The following EXT2 variants were observed in gnomAD, a reference collection of about 807,000 sequenced individuals.
The protein encoded by EXT2 is exostosin-2.
EXT2 carries 53 observed loss-of-function variants against 81.6 expected under a neutral mutation model. That is an observed-to-expected ratio of 0.65 (90% CI 0.52 to 0.82). The LOEUF (loss-of-function observed/expected upper bound fraction) is 0.82. EXT2 is among the 40% of genes least tolerant of loss of function. EXT2 has a pLI of 0.00. For missense variants in EXT2, 774 were observed against 910.2 expected, an observed-to-expected ratio of 0.85 and a Z score of 1.93; for synonymous variants, 320 against 340.0, an observed-to-expected ratio of 0.94 and a Z score of 0.65.
At chr11:44,111,261 A>G (rs1190618854) in intron 3 of EXT2, among the ~76,000 whole-genome samples, 2 of 152,216 alleles carry the variant, frequency 1.3e-5, no homozygotes, top group African/African-American at 2.4e-5. Context: ...TTAAAAAAAA[A>G]TCCATACACA....
chr11:44,218,793 C>CTTTTTTTTTTT (rs11368525), intron 10 of EXT2, among the ~76,000 whole-genome samples: 2 of 92,300 alleles, frequency 2.2e-5, no homozygotes, highest in Non-Finnish European at 3.8e-5. Context: ...ATCTGCAATT[C>CTTTTTTTTTTT]TTTTTTTTTT....
intron 9 of EXT2, among the ~76,000 whole-genome samples, chr11:44,202,185 C>A (rs1182046671): frequency 1.3e-5 from 2 of 152,190 alleles, no homozygotes; most frequent in African/African-American, 4.8e-5. Flanking sequence ...CCTGGGTCTT[C>A]ATTGTTCTCT....
At chr11:44,131,059 A>G (rs938019436) in intron 7 of EXT2, among the ~76,000 whole-genome samples, 1 of 152,046 alleles carries the variant, frequency 6.6e-6, no homozygotes, top group Admixed American at 6.6e-5. Flanking sequence ...TTTCACTTTG[A>G]CCTCCTGCTT....
Position 44,124,784 on chromosome 11 carries a change from T to G in EXT2, c.744-5T>G, listed in dbSNP as rs777393587. The G allele has an allele frequency of 6.2e-7, 1 of 1,614,026 alleles. No individual in the cohort carries two copies. The highest frequency in any genetic ancestry group is 2.2e-5 in the East Asian group (1 of 44,882). On this transcript the variant is annotated splice_region_variant and splice_polypyrimidine_tract_variant and intron_variant, in intron 4 of 13. Transcript: ENST00000533608. The stretch of plus-strand genomic sequence containing the variant: ...TTTCCAATCACCTGTTTTTTTCCCT[T>G]GTAGTCCACGGCAATACTTCCTCCT...
At chr11:44,216,993 G>C (rs981800386) in intron 10 of EXT2, among the ~76,000 whole-genome samples, 4 of 146,392 alleles carry the variant, frequency 2.7e-5, no homozygotes, top group Non-Finnish European at 4.5e-5. Flanking sequence ...ACAAGGCTGC[G>C]GCACACTAGA....
intron 8 of EXT2, among the ~76,000 whole-genome samples, chr11:44,192,294 C>G (rs1194760810): frequency 1.3e-5 from 2 of 151,820 alleles, no homozygotes. Context: ...GTGTAGATCT[C>G]GGTGTTTCCA....
chr11:44,194,628 T>C (rs12271664), intron 8 of EXT2, among the ~76,000 whole-genome samples: 2,469 of 152,286 alleles, frequency 0.016, 67 homozygotes, highest in African/African-American at 0.056. Context: ...TTCTACAGTT[T>C]CCTCATCTGT....
chr11:44,197,028 G>A (rs1188604160), intron 8 of EXT2, among the ~76,000 whole-genome samples: 2 of 152,268 alleles, frequency 1.3e-5, no homozygotes, highest in East Asian at 3.9e-4. Context: ...CAATGCTTTG[G>A]GAACTAAAGG....
intron 9 of EXT2, among the ~76,000 whole-genome samples, chr11:44,204,721 C>T (rs572328043): frequency 4.7e-4 from 72 of 152,258 alleles, no homozygotes; most frequent in Middle Eastern, 3.4e-3. Flanking sequence ...CTAGGTTGCA[C>T]GCCCCTTACG....
chr11:44,235,926 C>T (rs946130788), intron 12 of EXT2, among the ~76,000 whole-genome samples: 6 of 152,108 alleles, frequency 3.9e-5, no homozygotes, highest in African/African-American at 9.7e-5. Context: ...ACTAAGGTTA[C>T]GGTGAAAGTT....
chr11:44,222,483 G>A (rs1955792180), intron 10 of EXT2, among the ~76,000 whole-genome samples: 1 of 152,174 alleles, frequency 6.6e-6, no homozygotes, highest in Admixed American at 6.5e-5. Flanking sequence ...ATTGTAAGGG[G>A]TTGTTCAAAG....
At position 44,108,203 on chromosome 11, in the gene EXT2, C is replaced by T. The variant is rs762335965; in HGVS notation, c.491C>T (p.Thr164Ile). 1 of 1,613,720 alleles carries T rather than the reference C, an allele frequency of 6.2e-7. No homozygotes were observed. Among genetic ancestry groups the T allele is most frequent in the Non-Finnish European group, 8.5e-7 (1 of 1,180,040 alleles). ...VPSIDVLNQN[T>I]LRIKETAQAM... ...TCCATCGATGTGCTTAACCAGAACA[C>T]ACTGCGCATCAAGGAGACAGCACAA... is the stretch of plus-strand genomic sequence containing the variant. The change falls in exon 2 of 14, where the codon ACA (threonine) becomes ATA (isoleucine). Residue 164 changes from threonine to isoleucine, a missense_variant. Physicochemically the swap from Thr to Ile is moderately conservative, Grantham distance 89 (BLOSUM62 -1). Transcript: ENST00000533608.
chr11:44,109,292 C>T lies in EXT2; in HGVS notation c.626+9C>T. 6.2e-7 allele frequency: 1 copy of T among 1,612,130 alleles called. No homozygotes were observed. The highest frequency in any genetic ancestry group is 1.1e-5 in the South Asian group (1 of 91,032). On this transcript the variant is annotated intron_variant, in intron 3 of 13. Coordinates refer to ENST00000533608, the MANE Select transcript of EXT2 (RefSeq NM_207122.2). ...GATGTCCCCAGAGACAGGTAGGAGG[C>T]ATATTTGGGGCTGTCCTTATGATGG...
chr11:44,138,373 G>A (rs895643206), intron 7 of EXT2, among the ~76,000 whole-genome samples: 1 of 152,186 alleles, frequency 6.6e-6, no homozygotes, highest in African/African-American at 2.4e-5. Flanking sequence ...AAGCCCTAGA[G>A]TTGCAGTAAT....
chr11:44,213,441 T>A lies in EXT2; in HGVS notation c.1662+6482T>A, dbSNP rs74235679. On this transcript the variant is annotated intron_variant, in intron 10 of 13. Coordinates refer to ENST00000533608, the MANE Select transcript of EXT2 (RefSeq NM_207122.2). Reference sequence around the variant, plus strand: ...TGTTAGAATTATCTGGTAAAGATTTTTAAAAGGTTATCACAAAAAAAGCCT... The same window carrying A: ...TGTTAGAATTATCTGGTAAAGATTTATAAAAGGTTATCACAAAAAAAGCCT... Among the ~76,000 whole-genome samples, 41 of 152,284 alleles carry A rather than the reference T, an allele frequency of 2.7e-4. 1 individual carries two copies. In the East Asian group the frequency reaches 7.1e-3, roughly 26 times the overall value.
chr11:44,227,780 A>G (rs1955854304), intron 10 of EXT2, among the ~76,000 whole-genome samples: 3 of 152,208 alleles, frequency 2.0e-5, no homozygotes, highest in Admixed American at 2.0e-4. Flanking sequence ...GTTGAGGACC[A>G]ACAGGTAAGA....
In EXT2 at chr11:44,244,208, A is replaced by ACAGG. The variant is rs760109578; in HGVS notation, c.2078_2079insCAGG (p.Glu693AspfsTer6). On this transcript the variant is annotated frameshift_variant, in exon 14 of 14. Coordinates refer to ENST00000533608, the MANE Select transcript of EXT2 (RefSeq NM_207122.2). LOFTEE classifies it high-confidence loss of function. Reference sequence around the variant, plus strand: ...GGGACCATGCCTCTCAAGGTGGTGGAACACCGAGCTGACCCTGTCCTGTAC... The same window carrying ACAGG: ...GGGACCATGCCTCTCAAGGTGGTGGACAGGACACCGAGCTGACCCTGTCCTGTAC... 6 of 1,613,860 alleles carry ACAGG rather than the reference A, an allele frequency of 3.7e-6. No individual in the cohort carries two copies. The highest frequency in any genetic ancestry group is 3.3e-5 in the South Asian group (3 of 91,086).
chr11:44,130,211 A>G, intron 7 of EXT2, 73 bp downstream of exon 7: 2 of 1,198,738 alleles, frequency 1.7e-6, no homozygotes, highest in African/African-American at 1.5e-5. Flanking sequence ...ACAGAGGGAC[A>G]GGAGCTGAAT....
chr11:44,171,301 A>G (rs951491031), intron 7 of EXT2, among the ~76,000 whole-genome samples: 1 of 152,246 alleles, frequency 6.6e-6, no homozygotes, highest in Non-Finnish European at 1.5e-5. Flanking sequence ...ACTTTATGTT[A>G]TATAAGACAA....
Sources: allele counts gnomAD v4.1 joint callset (sites outside exome capture counted in the v4.1 genomes callset), GRCh38; gene constraint gnomAD v4.1.1; transcripts MANE v1.5; gene names NCBI Gene and HGNC (gene_info 2026-07-23, HGNC 2026-07-21).